TTYH2: variants seen among roughly 807,000 people sequenced by gnomAD.
TTYH2 encodes tweety family member 2, also known as protein tweety homolog 2.
TTYH2 carries 49 observed loss-of-function variants against 68.3 expected under a neutral mutation model. The observed-to-expected ratio is 0.72, with a 90% confidence interval of 0.57 to 0.91. The LOEUF (loss-of-function observed/expected upper bound fraction) is 0.91. TTYH2 is among the 40% of genes least tolerant of loss of function. The probability of loss-of-function intolerance (pLI) is 0.00; values close to 1 mark genes in which losing one functional copy is unlikely to be tolerated. For synonymous variants in TTYH2, 272 were observed against 300.8 expected (o/e 0.90, Z 0.99); for missense variants, 631 against 700.4 (o/e 0.90, Z 1.12).
intron 1 of TTYH2, among the ~76,000 whole-genome samples, chr17:74,218,917 C>T (rs765761720): frequency 3.9e-5 from 6 of 152,158 alleles, no homozygotes; most frequent in Non-Finnish European, 7.3e-5. Flanking sequence ...TCTGGGGCTC[C>T]CTTACATTTT....
In TTYH2 at chr17:74,215,371, C is replaced by T. The variant is rs1194621962; in HGVS notation, c.129+1655C>T. 6.6e-6 allele frequency among the ~76,000 whole-genome samples: 1 copy of T among 152,132 alleles called. No homozygotes were observed. Among genetic ancestry groups the T allele is most frequent in the Non-Finnish European group, 1.5e-5 (1 of 68,008 alleles). On this transcript the variant is annotated intron_variant, in intron 1 of 13. Transcript: ENST00000269346. This position sits in a 1 kb window ranked among gnomAD's most constrained non-coding sequence, Gnocchi z 4.3. The stretch of plus-strand genomic sequence containing the variant: ...CACCCTGATGGCCCCAGAGACAGTT[C>T]CTATCAGCCCAACAGCTGTGGCTGG...
intron 11 of TTYH2, among the ~76,000 whole-genome samples, chr17:74,252,856 G>A (rs1001190238): frequency 6.6e-5 from 10 of 152,192 alleles, no homozygotes; most frequent in Admixed American, 1.3e-4. Context: ...ACCCACATGC[G>A]CATGGTCAGC....
intron 5 of TTYH2, among the ~76,000 whole-genome samples, 176 bp downstream of exon 5, chr17:74,243,645 C>T (rs1191648056): frequency 6.6e-6 from 1 of 152,248 alleles, no homozygotes; most frequent in Non-Finnish European, 1.5e-5. Flanking sequence ...CACCAACTCA[C>T]CATCTGGTCA....
intron 4 of TTYH2, among the ~76,000 whole-genome samples, chr17:74,238,656 C>T (rs954183317): frequency 1.2e-4 from 19 of 152,124 alleles, no homozygotes; most frequent in African/African-American, 4.1e-4. Context: ...CGCCTGAGGT[C>T]GGGAGTCCGA....
At chr17:74,234,177 G>T (rs541840886) in intron 3 of TTYH2, among the ~76,000 whole-genome samples, 1 of 152,228 alleles carries the variant, frequency 6.6e-6, no homozygotes, top group Non-Finnish European at 1.5e-5. Context: ...CTGGGGCAGG[G>T]CTGAGAGCTT....
chr17:74,227,701 G>T (rs1373510769), intron 2 of TTYH2, among the ~76,000 whole-genome samples: 1 of 151,932 alleles, frequency 6.6e-6, no homozygotes, highest in South Asian at 2.1e-4. Flanking sequence ...CTGTAGAGGG[G>T]GTGTGTGTAA....
At position 74,252,343 on chromosome 17, in the gene TTYH2, C is replaced by A. The variant is rs9892705; in HGVS notation, c.1226C>A (p.Ala409Glu). 0.039 allele frequency: 62,791 copies of A among 1,613,710 alleles called. 1,666 individuals carry two copies. Among genetic ancestry groups the A allele is most frequent in the South Asian group, 0.11 (9,947 of 91,082 alleles). The change falls in exon 11 of 14, where the codon GCA (alanine) becomes GAA (glutamate). Residue 409 changes from alanine to glutamate, a missense_variant. Physicochemically the swap from Ala to Glu is moderately radical, Grantham distance 107. Coordinates refer to ENST00000269346, the MANE Select transcript of TTYH2 (RefSeq NM_032646.6). Reference protein sequence around the residue: ...AALAFSTMICAGPRAWKHFTT... With the variant: ...AALAFSTMICEGPRAWKHFTT... ...CTCGCCTTCTCCACCATGATCTGTG[C>A]AGGGCCAAGGGCCTGGAAGCACTTC...
chr17:74,251,299 G>C (rs1221641027), intron 10 of TTYH2, among the ~76,000 whole-genome samples: 1 of 150,226 alleles, frequency 6.7e-6, no homozygotes, highest in African/African-American at 2.5e-5. Flanking sequence ...TGTGGTGTGT[G>C]TGCATGTGTG....
chr17:74,224,323 G>C (rs1227224524), intron 2 of TTYH2, among the ~76,000 whole-genome samples: 2 of 152,100 alleles, frequency 1.3e-5, no homozygotes, highest in African/African-American at 4.8e-5. Flanking sequence ...GGAGGCAGAG[G>C]CTACAGTGAG....
Position 74,222,635 on chromosome 17 carries a change from G to A in TTYH2, c.280G>A (p.Val94Met), listed in dbSNP as rs140742774. 6.4e-5 allele frequency: 103 copies of A among 1,610,060 alleles called. No homozygotes were observed. Among genetic ancestry groups the A allele is most frequent in the Middle Eastern group, 3.3e-4 (2 of 6,010 alleles). The change falls in exon 2 of 14, where the codon GTG becomes ATG. Residue 94 changes from valine to methionine, a missense_variant. By Grantham distance (21) the Val-to-Met change is conservative. Coordinates refer to ENST00000269346, the MANE Select transcript of TTYH2 (RefSeq NM_032646.6). This position sits in a 1 kb window ranked among gnomAD's most constrained non-coding sequence, Gnocchi z 5.2. ...CTCCTGCTGCATCACCTGGACGGCC[G>A]TGGTGGCCGGGCTCATCTGCTGGTG... ...HHSCCITWTA[V>M]VAGLICCAAV...
At chr17:74,256,132 G>A (rs2143786777) in intron 13 of TTYH2, among the ~76,000 whole-genome samples, 1 of 152,346 alleles carries the variant, frequency 6.6e-6, no homozygotes, top group East Asian at 1.9e-4. Flanking sequence ...AGTGCTACAA[G>A]GTACTTTGGG....
Position 74,215,940 on chromosome 17 carries a change from C to T in TTYH2, c.129+2224C>T, listed in dbSNP as rs187959738. On this transcript the variant is annotated intron_variant, in intron 1 of 13. Coordinates refer to ENST00000269346, the MANE Select transcript of TTYH2 (RefSeq NM_032646.6). This position sits in a 1 kb window ranked among gnomAD's most constrained non-coding sequence, Gnocchi z 4.3. The stretch of plus-strand genomic sequence containing the variant: ...CTGGGCTCTGGGCGCAGTGCTATGG[C>T]AGACACCAAGCAGTTTGAGGTGGGG... Among the ~76,000 whole-genome samples the T allele has an allele frequency of 3.3e-3, 501 of 152,356 alleles. 2 individuals carry two copies. The highest frequency in any genetic ancestry group is 0.012 in the African/African-American group (479 of 41,574).
At chr17:74,227,056 C>T (rs980606181) in intron 2 of TTYH2, among the ~76,000 whole-genome samples, 6 of 152,182 alleles carry the variant, frequency 3.9e-5, no homozygotes, top group Non-Finnish European at 7.3e-5. Flanking sequence ...CTCACTGCAA[C>T]CTCTGCCTCC....
In TTYH2 at chr17:74,222,339, A is replaced by C. The variant is rs552697104; in HGVS notation, c.130-146A>C. ...GCGCCGGGCCCTCTGTTTACAGAGTAGGAGCTTGAACCCTAGGTGGAGCTT... is the reference window on the plus strand; with the variant it reads ...GCGCCGGGCCCTCTGTTTACAGAGTCGGAGCTTGAACCCTAGGTGGAGCTT... On this transcript the variant is annotated intron_variant, in intron 1 of 13. Coordinates refer to ENST00000269346, the MANE Select transcript of TTYH2 (RefSeq NM_032646.6). This position sits in a 1 kb window ranked among gnomAD's most constrained non-coding sequence, Gnocchi z 5.2. 8 of 937,056 alleles carry C rather than the reference A, an allele frequency of 8.5e-6. No homozygotes were observed. The highest frequency in any genetic ancestry group is 1.2e-5 in the Non-Finnish European group (8 of 650,272). 58.0% of individuals were successfully genotyped at this position (937,056 alleles called of 1,614,324 possible). A position where few individuals can be genotyped will look rare whatever the true frequency, so the allele number is the denominator to read the frequency against.
intron 3 of TTYH2, among the ~76,000 whole-genome samples, chr17:74,231,222 A>C (rs1419153139): frequency 6.6e-6 from 1 of 152,240 alleles, no homozygotes; most frequent in Non-Finnish European, 1.5e-5. Flanking sequence ...GGTGAGGACT[A>C]AAGGAGGCAG....
intron 13 of TTYH2, among the ~76,000 whole-genome samples, chr17:74,258,083 G>A (rs930963674): frequency 6.7e-6 from 1 of 149,276 alleles, no homozygotes; most frequent in Non-Finnish European, 1.5e-5. Context: ...GAACCCAGGA[G>A]GCGGAGGTTG....
intron 11 of TTYH2, 55 bp downstream of exon 11, chr17:74,252,431 A>G (rs1231223693): frequency 1.3e-6 from 2 of 1,587,238 alleles, no homozygotes; most frequent in Admixed American, 1.7e-5. Flanking sequence ...CTGGGAGAGC[A>G]GCAGACAGGG....
chr17:74,253,447 G>A (rs1055628644), intron 12 of TTYH2, among the ~76,000 whole-genome samples, 181 bp downstream of exon 12: 6 of 152,184 alleles, frequency 3.9e-5, no homozygotes, highest in African/African-American at 1.4e-4. Context: ...ACACCCACAT[G>A]TGCTGGGGGA....
Position 74,237,419 on chromosome 17 carries a change from C to T in TTYH2, c.540C>T (p.Ser180=), listed in dbSNP as rs758568033. The change falls in exon 4 of 14, where the codon AGC becomes AGT. Residue 180 remains serine, a synonymous_variant. Transcript: ENST00000269346. ...TLKFIQQMAG[S]VVVQLSGLPV... ...AGTTCATACAGCAGATGGCGGGCAG[C>T]GTTGTTGTTCAGCTCTCAGGACTGC... is the stretch of plus-strand genomic sequence containing the variant. 3.3e-5 allele frequency: 53 copies of T among 1,614,138 alleles called. No homozygotes were observed. The South Asian group carries it at 4.7e-4, about 14-fold the overall frequency.
Sources: gnomAD v4.1 joint callset for allele counts (sites outside exome capture counted in the v4.1 genomes callset) on GRCh38, gnomAD v4.1.1 for gene constraint, Gnocchi (gnomAD v3.1) non-coding constraint, MANE v1.5 for transcripts, NCBI Gene and HGNC (gene_info 2026-07-23, HGNC 2026-07-21) for gene names.